SIL1: variants seen among roughly 807,000 people sequenced by gnomAD.
SIL1 encodes nucleotide exchange factor SIL1.
A neutral mutation model predicts 49.1 loss-of-function variants in SIL1; 40 were observed. That is an observed-to-expected ratio of 0.81 (90% CI 0.63 to 1.06). The LOEUF is 1.06. Among genes scored for constraint, SIL1 ranks in the 50% least tolerant of loss-of-function variants. The pLI, the probability that SIL1 is intolerant of heterozygous loss-of-function variation, is 0.00. For missense variants in SIL1, 500 were observed against 572.6 expected (o/e 0.87, Z 1.29); for synonymous variants, 253 against 250.8 (o/e 1.01, Z -0.08).
chr5:139,134,952 G>A lies in SIL1; in HGVS notation c.-10-7099C>T, dbSNP rs112203051. Among the ~76,000 whole-genome samples, 989 of 152,296 alleles carry A rather than the reference G, an allele frequency of 6.5e-3. 4 individuals carry two copies. Among genetic ancestry groups the A allele is most frequent in the African/African-American group, 0.022 (900 of 41,550 alleles). On this transcript the variant is annotated intron_variant, in intron 1 of 9. Coordinates refer to ENST00000394817, the MANE Select transcript of SIL1 (RefSeq NM_022464.5). The stretch of plus-strand genomic sequence containing the variant: ...ATTTAAGCAGACAAATATGAAGCTG[G>A]AGAAACAACGCAAAGAGGACACTGA...
At chr5:139,143,344 C>CATATATATATATATATAT (rs1314250793) in intron 1 of SIL1, among the ~76,000 whole-genome samples, 19 of 97,472 alleles carry the variant, frequency 1.9e-4, no homozygotes, top group African/African-American at 7.1e-4. Flanking sequence ...CACACACACA[C>CATATATATATATATATAT]ATATATATAT....
intron 4 of SIL1, among the ~76,000 whole-genome samples, chr5:139,047,552 T>C (rs964436096): frequency 6.6e-6 from 1 of 152,264 alleles, no homozygotes; most frequent in African/African-American, 2.4e-5. Context: ...TCTTGGACAA[T>C]TTCATGGAAA....
intron 3 of SIL1, among the ~76,000 whole-genome samples, chr5:139,081,412 A>G (rs887639976): frequency 6.6e-6 from 1 of 152,124 alleles, no homozygotes; most frequent in Admixed American, 6.6e-5. Context: ...ATGCCTCCAT[A>G]CCCAGCTAAC....
chr5:139,135,986 G>A (rs1231001583), intron 1 of SIL1, among the ~76,000 whole-genome samples: 1 of 152,096 alleles, frequency 6.6e-6, no homozygotes. Flanking sequence ...AGAATCTCTT[G>A]AACCTAGGAA....
At chr5:139,106,901 T>C (rs1770725176) in intron 3 of SIL1, among the ~76,000 whole-genome samples, 1 of 152,256 alleles carries the variant, frequency 6.6e-6, no homozygotes, top group South Asian at 2.1e-4. Flanking sequence ...TTTCTCTGGA[T>C]GATCAAACAA....
At position 139,055,516 on chromosome 5, in the gene SIL1, C is replaced by T. The variant is rs532355278; in HGVS notation, c.245-4470G>A. Among the ~76,000 whole-genome samples the T allele has an allele frequency of 5.9e-5, 9 of 152,072 alleles. No homozygotes were observed. The South Asian group carries it at 1.0e-3, about 18-fold the overall frequency. ...GCCAGTGGGATGCTAGCAAATGGGCCGCAAACAGATGTTTGAAATGTGCTT... is the reference window on the plus strand; with the variant it reads ...GCCAGTGGGATGCTAGCAAATGGGCTGCAAACAGATGTTTGAAATGTGCTT... On this transcript the variant is annotated intron_variant, in intron 3 of 9. Transcript: ENST00000394817.
At chr5:139,117,948 A>C (rs902199803) in intron 3 of SIL1, among the ~76,000 whole-genome samples, 12 of 152,112 alleles carry the variant, frequency 7.9e-5, no homozygotes, top group Non-Finnish European at 1.8e-4. Context: ...AGCACAGCCA[A>C]AACAGCCCAC....
chr5:139,171,719 AAATAAAAAAG>A (rs1751774972), intron 1 of SIL1, among the ~76,000 whole-genome samples: 1 of 151,526 alleles, frequency 6.6e-6, no homozygotes, highest in African/African-American at 2.4e-5. Flanking sequence ...AAAAGAAAAA[AAATAAAAAAG>A]AAAAAAAAAG....
intron 3 of SIL1, among the ~76,000 whole-genome samples, chr5:139,093,073 A>C (rs1185746899): frequency 6.6e-6 from 1 of 152,144 alleles, no homozygotes; most frequent in Non-Finnish European, 1.5e-5. Flanking sequence ...AAACGCGAGG[A>C]CTTGCTTGAG....
intron 3 of SIL1, among the ~76,000 whole-genome samples, chr5:139,092,516 C>A (rs1288995183): frequency 1.3e-5 from 2 of 152,176 alleles, no homozygotes; most frequent in African/African-American, 4.8e-5. Context: ...AGATACCCTG[C>A]TTATTTATCT....
chr5:139,096,413 G>A (rs1382747648), intron 3 of SIL1, among the ~76,000 whole-genome samples: 2 of 152,118 alleles, frequency 1.3e-5, no homozygotes, highest in Admixed American at 1.3e-4. Flanking sequence ...TGGAACCAGA[G>A]ACAGTAGACG....
chr5:139,132,552 G>A (rs571766503), intron 1 of SIL1, among the ~76,000 whole-genome samples: 6 of 152,314 alleles, frequency 3.9e-5, no homozygotes, highest in African/African-American at 1.4e-4. Flanking sequence ...TGGAGCTGAG[G>A]TGGGCAGTGG....
chr5:139,052,064 A>T (rs958993996), intron 3 of SIL1, among the ~76,000 whole-genome samples: 1 of 152,208 alleles, frequency 6.6e-6, no homozygotes, highest in African/African-American at 2.4e-5. Context: ...TAAGAACCCA[A>T]ATCAATGACT....
intron 6 of SIL1, among the ~76,000 whole-genome samples, chr5:139,024,651 G>T (rs1017509660): frequency 6.6e-6 from 1 of 152,214 alleles, no homozygotes; most frequent in Non-Finnish European, 1.5e-5. Flanking sequence ...GGCCACTGTT[G>T]CCCCTAGTCT....
chr5:139,152,975 C>T (rs944500326), intron 1 of SIL1, among the ~76,000 whole-genome samples: 3 of 152,142 alleles, frequency 2.0e-5, no homozygotes, highest in Middle Eastern at 3.2e-3. Flanking sequence ...TATGCCACCA[C>T]GCCCGGCTAA....
chr5:139,073,300 T>C (rs1235730647), intron 3 of SIL1, among the ~76,000 whole-genome samples: 1 of 152,208 alleles, frequency 6.6e-6, no homozygotes, highest in East Asian at 1.9e-4. Context: ...GGAATCATCC[T>C]CAATCTCCAT....
intron 4 of SIL1, among the ~76,000 whole-genome samples, chr5:139,045,371 A>T (rs1445260651): frequency 6.6e-6 from 1 of 151,970 alleles, no homozygotes; most frequent in Non-Finnish European, 1.5e-5. Flanking sequence ...AAACAAAAAA[A>T]ACCTCCTTTC....
intron 3 of SIL1, among the ~76,000 whole-genome samples, chr5:139,057,346 ACTGCTAGCCT>A (rs1769475606): frequency 6.6e-6 from 1 of 150,486 alleles, no homozygotes; most frequent in Non-Finnish European, 1.5e-5. Flanking sequence ...AAAGAACATC[ACTGCTAGCCT>A]TCTGGTCCAA....
intron 6 of SIL1, 139 bp from the exon 7 acceptor site, chr5:139,021,431 AG>A: frequency 2.2e-6 from 3 of 1,374,224 alleles, no homozygotes; most frequent in South Asian, 2.6e-5. Flanking sequence ...GACTAAGAAA[AG>A]GTTTGTAAAA....
Sources: allele counts gnomAD v4.1 joint callset (sites outside exome capture counted in the v4.1 genomes callset), GRCh38; gene constraint gnomAD v4.1.1; transcripts MANE v1.5; gene names NCBI Gene and HGNC (gene_info 2026-07-23, HGNC 2026-07-21).